TLR5: variants seen among roughly 807,000 people sequenced by gnomAD.
TLR5 encodes toll like receptor 5, also known as toll-like receptor 5.
For synonymous variants in TLR5, 373 were observed against 384.4 expected (o/e 0.97, Z 0.35); for missense variants, 944 against 999.8 (o/e 0.94, Z 0.75).
At chr1:223,140,601 G>GGA (rs1157393228) in intron 2 of TLR5, among the ~76,000 whole-genome samples, 2 of 152,032 alleles carry the variant, frequency 1.3e-5, no homozygotes, top group Non-Finnish European at 2.9e-5. Context: ...TCATGGCTGG[G>GGA]TGAGGAAGAG....
At chr1:223,139,439 T>C (rs1657750047) in intron 2 of TLR5, among the ~76,000 whole-genome samples, 1 of 152,214 alleles carries the variant, frequency 6.6e-6, no homozygotes, top group Non-Finnish European at 1.5e-5. Flanking sequence ...CAGGGTGCTA[T>C]GGAGCACAGA....
At position 223,111,833 on chromosome 1, in the gene TLR5, TG is replaced by T. The variant is rs1473777719; in HGVS notation, c.1198del (p.His400IlefsTer11). The T allele has an allele frequency of 6.2e-7, 1 of 1,614,050 alleles. No homozygotes were observed. ...GATATCGGGTATGCTTGGAATAAAA[TG>T]AATGGTTGTAAGAGCATTGTCTCGG... ...DLRDNALTTI[H>X]FIPSIPDIFL... On this transcript the variant is annotated frameshift_variant, in exon 6 of 6. Coordinates refer to ENST00000642603, the MANE Select transcript of TLR5 (RefSeq NM_003268.6). LOFTEE classifies it low-confidence loss of function (END_TRUNC).
chr1:223,139,336 T>C (rs540634803), intron 2 of TLR5, among the ~76,000 whole-genome samples: 36 of 152,318 alleles, frequency 2.4e-4, no homozygotes, highest in African/African-American at 8.2e-4. Flanking sequence ...AAGGATTAAC[T>C]CAATCACTGC....
chr1:223,127,737 T>C (rs913635480), intron 5 of TLR5: 2 of 152,396 alleles, frequency 1.3e-5, no homozygotes, highest in African/African-American at 4.8e-5. Flanking sequence ...TTTTCATTCA[T>C]CACTACCTCT....
At chr1:223,121,167 T>G (rs1020918301) in intron 5 of TLR5, among the ~76,000 whole-genome samples, 6 of 152,348 alleles carry the variant, frequency 3.9e-5, no homozygotes, top group African/African-American at 1.4e-4. Context: ...TAGGTGTGAG[T>G]GTTTAACTCA....
In TLR5 at chr1:223,110,312, G is replaced by A. The variant is rs1280191488; in HGVS notation, c.*143C>T. On this transcript the variant is annotated 3_prime_UTR_variant, in exon 6 of 6. Coordinates refer to ENST00000642603, the MANE Select transcript of TLR5 (RefSeq NM_003268.6). The stretch of plus-strand genomic sequence containing the variant: ...GTGAGACAGAACATGGTGTTGATAC[G>A]AAAATTGAGAGATTTATGTTGTTTT... 1.7e-4 allele frequency: 140 copies of A among 831,690 alleles called. No homozygotes were observed. The highest frequency in any genetic ancestry group is 9.8e-5 in the Non-Finnish European group (52 of 528,826). 51.5% of individuals were successfully genotyped at this position (831,690 alleles called of 1,614,324 possible). A position where few individuals can be genotyped will look rare whatever the true frequency, so the allele number is the denominator to read the frequency against.
At chr1:223,117,616 G>A (rs1656741919) in intron 5 of TLR5, among the ~76,000 whole-genome samples, 1 of 149,982 alleles carries the variant, frequency 6.7e-6, no homozygotes, top group South Asian at 2.1e-4. Context: ...AGAGTATGTT[G>A]AATGAACAAC....
At position 223,109,450 on chromosome 1, in the gene TLR5, A is replaced by T. The variant is rs772935836; in HGVS notation, c.*1005T>A. The T allele has an allele frequency of 1.4e-5, 2 of 145,022 alleles. No individual in the cohort carries two copies. The highest frequency in any genetic ancestry group is 3.1e-5 in the Non-Finnish European group (2 of 64,558). The allele number at this position is 145,022 out of a possible 1,614,324, so 9.0% of individuals were successfully genotyped here. A position where few individuals can be genotyped will look rare whatever the true frequency, so the allele number is the denominator to read the frequency against. On this transcript the variant is annotated 3_prime_UTR_variant, in exon 6 of 6. Coordinates refer to ENST00000642603, the MANE Select transcript of TLR5 (RefSeq NM_003268.6). Reference sequence around the variant, plus strand: ...ATTTAAGATAAAAAAATACAACTTCAGTGAAATTGCAACTGCCCCCCAGGA... The same window carrying T: ...ATTTAAGATAAAAAAATACAACTTCTGTGAAATTGCAACTGCCCCCCAGGA...
At chr1:223,123,154 A>G (rs1013282335) in intron 5 of TLR5, among the ~76,000 whole-genome samples, 6 of 152,200 alleles carry the variant, frequency 3.9e-5, no homozygotes, top group African/African-American at 1.4e-4. Flanking sequence ...TGCAGCTGCT[A>G]TTTTATCCAA....
chr1:223,121,551 C>T (rs1481443869), intron 5 of TLR5, among the ~76,000 whole-genome samples: 4 of 152,210 alleles, frequency 2.6e-5, no homozygotes, highest in South Asian at 2.1e-4. Context: ...CAGGGTCTCA[C>T]TCTGCTGTCC....
rs1656412284 is a variant in TLR5 at position 223,112,575 on chromosome 1, A to G, written c.457T>C (p.Ser153Pro). 1.9e-6 allele frequency: 3 copies of G among 1,614,138 alleles called. No individual in the cohort carries two copies. The highest frequency in any genetic ancestry group is 1.3e-5 in the African/African-American group (1 of 74,952). Reference sequence around the variant, plus strand: ...TAAAGGCTACGAATCTGATTTTTGGATAGATCCAAGCGAGTTAAAGCCTTT... The same window carrying G: ...TAAAGGCTACGAATCTGATTTTTGGGTAGATCCAAGCGAGTTAAAGCCTTT... ...NLKALTRLDL[S>P]KNQIRSLYLH... is the part of the protein sequence containing the mutation. The change falls in exon 6 of 6, where the codon TCC becomes CCC. Residue 153 changes from serine (S) to proline (P), a missense_variant. Transcript: ENST00000642603.
In TLR5 at chr1:223,115,819, A is replaced by AG. The variant is rs897181168; in HGVS notation, c.-4-2785dup. Among the ~76,000 whole-genome samples the AG allele has an allele frequency of 2.8e-4, 43 of 152,210 alleles. 2 individuals are homozygous for AG. Among genetic ancestry groups the AG allele is most frequent in the African/African-American group, 8.2e-4 (34 of 41,544 alleles). ...GAGATTAGAGCAGGTGTCTAACAGAAGTAAGGAAAGGATGTGGAGAGGCCC... is the reference window on the plus strand; with the variant it reads ...GAGATTAGAGCAGGTGTCTAACAGAAGGTAAGGAAAGGATGTGGAGAGGCCC... On this transcript the variant is annotated intron_variant, in intron 5 of 5. Coordinates refer to ENST00000642603, the MANE Select transcript of TLR5 (RefSeq NM_003268.6).
intron 2 of TLR5, among the ~76,000 whole-genome samples, chr1:223,138,408 A>G (rs536468659): frequency 6.1e-4 from 93 of 151,960 alleles, no homozygotes; most frequent in African/African-American, 2.2e-3. Context: ...CTATTTTCCA[A>G]CAGATACTTT....
At chr1:223,129,768 C>G (rs937047795) in intron 5 of TLR5, among the ~76,000 whole-genome samples, 1 of 152,248 alleles carries the variant, frequency 6.6e-6, no homozygotes, top group African/African-American at 2.4e-5. Flanking sequence ...AGCCATCACA[C>G]GCCTGAGCAG....
chr1:223,128,534 C>T (rs1233252843), intron 5 of TLR5: 1 of 151,770 alleles, frequency 6.6e-6, no homozygotes, highest in Non-Finnish European at 1.5e-5. Context: ...GACAATGGAA[C>T]AATGTGGGAG....
intron 2 of TLR5, among the ~76,000 whole-genome samples, chr1:223,139,973 G>C (rs1314038016): frequency 6.6e-6 from 1 of 152,210 alleles, no homozygotes; most frequent in African/African-American, 2.4e-5. Flanking sequence ...GCTCAGGGGA[G>C]CCCTATGTAA....
In TLR5 at chr1:223,113,002, T is replaced by A; in HGVS notation, c.30A>T (p.Gly10=). 6.2e-7 allele frequency: 1 copy of A among 1,613,998 alleles called. No homozygotes were observed. Among genetic ancestry groups the A allele is most frequent in the Non-Finnish European group, 8.5e-7 (1 of 1,179,988 alleles). The change falls in exon 6 of 6, where the codon GGA becomes GGT. Residue 10 remains glycine, a synonymous_variant. Coordinates refer to ENST00000642603, the MANE Select transcript of TLR5 (RefSeq NM_003268.6). MGDHLDLLL[G]VVLMAGPVFG... is the part of the protein sequence containing the mutation. ...ACACAGGACCGGCCATGAGCACCACTCCTAGGAGAAGGTCCAGGTGGTCTC... is the reference window on the plus strand; with the variant it reads ...ACACAGGACCGGCCATGAGCACCACACCTAGGAGAAGGTCCAGGTGGTCTC...
At chr1:223,140,103 C>T (rs1278357657) in intron 2 of TLR5, among the ~76,000 whole-genome samples, 4 of 152,184 alleles carry the variant, frequency 2.6e-5, no homozygotes, top group Admixed American at 2.6e-4. Flanking sequence ...AACCCTCCAA[C>T]TCTGCTCAAA....
chr1:223,116,340 G>A (rs1258963891), intron 5 of TLR5, among the ~76,000 whole-genome samples: 2 of 152,102 alleles, frequency 1.3e-5, no homozygotes, highest in Non-Finnish European at 2.9e-5. Flanking sequence ...CTGGCTTCAG[G>A]AGTGAATCTA....
Sources: gnomAD v4.1 joint callset for allele counts (sites outside exome capture counted in the v4.1 genomes callset) on GRCh38, gnomAD v4.1.1 for gene constraint, MANE v1.5 for transcripts, NCBI Gene and HGNC (gene_info 2026-07-23, HGNC 2026-07-21) for gene names.